Variants in TRAPPC11 observed in about 807,000 individuals in gnomAD.
The protein encoded by TRAPPC11 is trafficking protein particle complex subunit 11.
TRAPPC11 carries 104 observed loss-of-function variants against 151.2 expected under a neutral mutation model. That is an observed-to-expected ratio of 0.69 (90% CI 0.59 to 0.81). TRAPPC11 has a LOEUF of 0.81. Ranked by LOEUF, TRAPPC11 falls within the 30% of genes least tolerant of loss-of-function variation. TRAPPC11 has a pLI of 0.00. For synonymous variants in TRAPPC11, 456 were observed against 472.3 expected (o/e 0.97, Z 0.45); for missense variants, 1,230 against 1,349.6 (o/e 0.91, Z 1.39).
intron 20 of TRAPPC11, among the ~76,000 whole-genome samples, 191 bp from the exon 21 acceptor site, chr4:183,693,398 G>T (rs1335366097): frequency 6.6e-6 from 1 of 151,930 alleles, no homozygotes; most frequent in Non-Finnish European, 1.5e-5. Flanking sequence ...AGAGATGAGG[G>T]TCTTACTATG....
chr4:183,697,526 A>C lies in TRAPPC11; in HGVS notation c.2652A>C (p.Thr884=). 6.2e-7 allele frequency: 1 copy of C among 1,602,616 alleles called. No homozygotes were observed. Among genetic ancestry groups the C allele is most frequent in the Non-Finnish European group, 8.5e-7 (1 of 1,177,654 alleles). ...CHKDETVTIE[T]VFPFDVAVKF... Reference sequence around the variant, plus strand: ...AGGATGAAACTGTAACAATTGAAACAGTCTTTCCATTTGATGTTGCGGTTA... The same window carrying C: ...AGGATGAAACTGTAACAATTGAAACCGTCTTTCCATTTGATGTTGCGGTTA... The change falls in exon 24 of 30, where the codon ACA becomes ACC. Residue 884 remains threonine (T), a synonymous_variant. Transcript: ENST00000334690.
At chr4:183,679,023 A>G (rs746590830) in intron 8 of TRAPPC11, among the ~76,000 whole-genome samples, 10 of 152,142 alleles carry the variant, frequency 6.6e-5, no homozygotes, top group Non-Finnish European at 1.0e-4. Context: ...TCTTATCTCA[A>G]TTACCTGTTG....
At chr4:183,694,558 A>G in intron 22 of TRAPPC11, 46 bp from the exon 23 acceptor site, 1 of 1,560,726 alleles carries the variant, frequency 6.4e-7, no homozygotes, top group Non-Finnish European at 8.7e-7. Context: ...TATCAAGAAG[A>G]AATGTCTGTA....
At chr4:183,666,226 GT>G in intron 2 of TRAPPC11, 30 bp from the exon 3 acceptor site, 1 of 1,598,714 alleles carries the variant, frequency 6.3e-7, no homozygotes, top group East Asian at 2.2e-5. Flanking sequence ...CTCCTGTCAG[GT>G]AACTTTTCAA....
At position 183,681,591 on chromosome 4, in the gene TRAPPC11, T is replaced by C. The variant is rs536684490; in HGVS notation, c.1114-1141T>C. ...GTCAGGAGATCGAGACCATCCTGGC[T>C]AACACGATGAAACCCCGTCTCTACT... On this transcript the variant is annotated intron_variant, in intron 10 of 29. Transcript: ENST00000334690. Among the ~76,000 whole-genome samples the C allele has an allele frequency of 3.3e-5, 5 of 152,040 alleles. No homozygotes were observed. In the East Asian group the frequency reaches 5.8e-4, roughly 18 times the overall value.
chr4:183,659,629 G>A (rs893393130), intron 1 of TRAPPC11, among the ~76,000 whole-genome samples, 182 bp downstream of exon 1: 3 of 152,216 alleles, frequency 2.0e-5, no homozygotes, highest in African/African-American at 4.8e-5. Context: ...GGTTTAAGAC[G>A]GGGGAATAAG....
At chr4:183,681,537 T>C (rs1735689815) in intron 10 of TRAPPC11, among the ~76,000 whole-genome samples, 1 of 152,110 alleles carries the variant, frequency 6.6e-6, no homozygotes, top group African/African-American at 2.4e-5. Flanking sequence ...TCCCAGCACT[T>C]TGGGAGGCTG....
At position 183,694,672 on chromosome 4, in the gene TRAPPC11, C is replaced by T; in HGVS notation, c.2577C>T (p.Tyr859=). 1 of 1,609,752 alleles carries T rather than the reference C, an allele frequency of 6.2e-7. No homozygotes were observed. The highest frequency in any genetic ancestry group is 8.5e-7 in the Non-Finnish European group (1 of 1,178,838). The stretch of plus-strand genomic sequence containing the variant: ...GAATGTTTCTTGTATATGTTTCTTA[C>T]CTGATAAATACAACCGTTGAAGAAA... ...GSRMFLVYVS[Y]LINTTVEEKE... Residue 859 remains tyrosine (Y), a synonymous_variant, in exon 23 of 30, where the codon TAC becomes TAT. Coordinates refer to ENST00000334690, the MANE Select transcript of TRAPPC11 (RefSeq NM_021942.6).
chr4:183,661,757 CTTT>C (rs562308106), intron 1 of TRAPPC11, among the ~76,000 whole-genome samples: 20 of 100,128 alleles, frequency 2.0e-4, no homozygotes, highest in South Asian at 3.2e-4. Flanking sequence ...TTTGGAATAA[CTTT>C]TTTTTTTTTT....
chr4:183,703,963 C>G (rs1736923170), intron 26 of TRAPPC11, among the ~76,000 whole-genome samples: 2 of 152,192 alleles, frequency 1.3e-5, no homozygotes, highest in Admixed American at 1.3e-4. Context: ...TCAAAGTGGT[C>G]TGGGGCCCAC....
intron 25 of TRAPPC11, among the ~76,000 whole-genome samples, chr4:183,698,674 G>T (rs1311936652): frequency 6.6e-6 from 1 of 152,148 alleles, no homozygotes; most frequent in Non-Finnish European, 1.5e-5. Flanking sequence ...CTTGTTATTT[G>T]TCCATTCTTG....
Position 183,681,636 on chromosome 4 carries a change from C to T in TRAPPC11, c.1114-1096C>T, listed in dbSNP as rs917646996. 3.3e-5 allele frequency among the ~76,000 whole-genome samples: 5 copies of T among 151,966 alleles called. No individual in the cohort carries two copies. In the East Asian group the frequency reaches 7.8e-4, roughly 24 times the overall value. On this transcript the variant is annotated intron_variant, in intron 10 of 29. Coordinates refer to ENST00000334690, the MANE Select transcript of TRAPPC11 (RefSeq NM_021942.6). The stretch of plus-strand genomic sequence containing the variant: ...TCTACTAAAAATACAAAAAATTAGC[C>T]GGGTGTGGTGGCGGGGGCCTGTAGT...
chr4:183,691,166 C>G, intron 18 of TRAPPC11, 150 bp from the exon 19 acceptor site: 1 of 499,578 alleles, frequency 2.0e-6, no homozygotes, highest in Non-Finnish European at 3.3e-6. Flanking sequence ...GGATAAATGC[C>G]TCTATTTGGC....
At chr4:183,661,441 C>G (rs182133325) in intron 1 of TRAPPC11, among the ~76,000 whole-genome samples, 11,490 of 139,118 alleles carry the variant, frequency 0.083, 526 homozygotes, top group East Asian at 0.16. Flanking sequence ...GCGCGATCTC[C>G]GCTCACTGCA....
At chr4:183,661,089 C>A (rs1734487973) in intron 1 of TRAPPC11, among the ~76,000 whole-genome samples, 2 of 151,998 alleles carry the variant, frequency 1.3e-5, no homozygotes, top group South Asian at 4.1e-4. Flanking sequence ...CAATCCTTTG[C>A]CCTCATAACT....
At position 183,668,269 on chromosome 4, in the gene TRAPPC11, G is replaced by C. The variant is rs111667132; in HGVS notation, c.560+152G>C. The C allele has an allele frequency of 3.0e-5, 15 of 493,914 alleles. No individual in the cohort carries two copies. In the South Asian group the frequency reaches 6.1e-4, roughly 20 times the overall value. 30.6% of individuals were successfully genotyped at this position (493,914 alleles called of 1,614,324 possible). On this transcript the variant is annotated intron_variant, in intron 5 of 29. Coordinates refer to ENST00000334690, the MANE Select transcript of TRAPPC11 (RefSeq NM_021942.6). ...TGGGGTAAAAATAAAAGTCTTTTTTGTTAAATTCTTAACCCTCTCCAATTC... is the reference window on the plus strand; with the variant it reads ...TGGGGTAAAAATAAAAGTCTTTTTTCTTAAATTCTTAACCCTCTCCAATTC...
chr4:183,701,653 A>T lies in TRAPPC11; in HGVS notation c.2852-44A>T, dbSNP rs761147448. ...CTTGGATGTGAAACTCTCCTTTTGT[A>T]GATGAAACCATTGCATAAGGAATAT... On this transcript the variant is annotated intron_variant, in intron 25 of 29. Coordinates refer to ENST00000334690, the MANE Select transcript of TRAPPC11 (RefSeq NM_021942.6). 9 of 1,328,700 alleles carry T rather than the reference A, an allele frequency of 6.8e-6. No individual in the cohort carries two copies. The Admixed American group carries it at 1.5e-4, about 22-fold the overall frequency. The allele number at this position is 1,328,700 out of a possible 1,614,324, so 82.3% of individuals were successfully genotyped here. A position where few individuals can be genotyped will look rare whatever the true frequency, so the allele number is the denominator to read the frequency against.
In TRAPPC11 at chr4:183,666,548, G is replaced by A. The variant is rs9996255; in HGVS notation, c.374+122G>A. On this transcript the variant is annotated intron_variant, in intron 3 of 29. Coordinates refer to ENST00000334690, the MANE Select transcript of TRAPPC11 (RefSeq NM_021942.6). Reference sequence around the variant, plus strand: ...TGGTCACTTTGCGGATTGACCTCCAGTGAATCTTGTTCACTTCCTCACAGG... The same window carrying A: ...TGGTCACTTTGCGGATTGACCTCCAATGAATCTTGTTCACTTCCTCACAGG... 0.44 allele frequency: 400,276 copies of A among 913,052 alleles called. 90,256 individuals are homozygous for A. Among genetic ancestry groups the A allele is most frequent in the African/African-American group, 0.62 (37,001 of 59,792 alleles). The allele number at this position is 913,052 out of a possible 1,614,324, so 56.6% of individuals were successfully genotyped here.
rs147577848 is a variant in TRAPPC11, at chr4:183,697,598, AT to A, written c.2694+33del. On this transcript the variant is annotated intron_variant, in intron 24 of 29. Transcript: ENST00000334690. Reference sequence around the variant, plus strand: ...GTTTCTTTGAGGCATACTAGAAATCATTTAGGTTATAAAAATGGACTGAAAT... The same window carrying A: ...GTTTCTTTGAGGCATACTAGAAATCATTAGGTTATAAAAATGGACTGAAAT... 11,189 of 1,605,356 alleles carry A rather than the reference AT, an allele frequency of 7.0e-3. 682 individuals carry two copies. The African/African-American group carries it at 0.13, about 19-fold the overall frequency.
Sources: gnomAD v4.1 joint callset for allele counts (sites outside exome capture counted in the v4.1 genomes callset) on GRCh38, gnomAD v4.1.1 for gene constraint, MANE v1.5 for transcripts, NCBI Gene and HGNC (gene_info 2026-07-23, HGNC 2026-07-21) for gene names.